Variants in CEP170 observed in about 807,000 individuals in gnomAD.
CEP170 encodes centrosomal protein of 170 kDa.
Under a neutral mutation model 151.9 loss-of-function variants are expected in CEP170, and 21 were observed. The ratio of observed to expected loss-of-function variants is 0.14; its 90% confidence interval spans 0.10 to 0.20. The LOEUF (loss-of-function observed/expected upper bound fraction) is 0.20. Among genes scored for constraint, CEP170 ranks in the 10% least tolerant of loss-of-function variants. The pLI is 1.00. For synonymous variants in CEP170, 356 were observed against 648.8 expected (o/e 0.55, Z 6.86); for missense variants, 964 against 1,892.9 (o/e 0.51, Z 9.11).
chr1:243,137,502 C>A (rs576186056), intron 16 of CEP170, among the ~76,000 whole-genome samples: 2 of 152,132 alleles, frequency 1.3e-5, no homozygotes, highest in Non-Finnish European at 2.9e-5. Flanking sequence ...TGAGGCCGGG[C>A]GCAGTGGCTC....
At chr1:243,223,832 G>T (rs1033620144) in intron 2 of CEP170, among the ~76,000 whole-genome samples, 1 of 152,014 alleles carries the variant, frequency 6.6e-6, no homozygotes, top group Non-Finnish European at 1.5e-5. Flanking sequence ...TCCCATTTGT[G>T]TAACTATTTT....
At chr1:243,164,005 T>A (rs2058262232) in intron 13 of CEP170, among the ~76,000 whole-genome samples, 2 of 152,172 alleles carry the variant, frequency 1.3e-5, no homozygotes, top group African/African-American at 4.8e-5. Context: ...ACTGGAAAAT[T>A]AAAACTCCTA....
intron 1 of CEP170, among the ~76,000 whole-genome samples, chr1:243,243,335 G>A (rs2065042561): frequency 6.6e-6 from 1 of 152,130 alleles, no homozygotes; most frequent in African/African-American, 2.4e-5. Flanking sequence ...AGGGTAGGGG[G>A]ACAGTGGAAG....
intron 15 of CEP170, 142 bp from the exon 16 acceptor site, chr1:243,140,249 A>C (rs1261216072): frequency 8.1e-7 from 1 of 1,234,916 alleles, no homozygotes; most frequent in Non-Finnish European, 1.1e-6. Flanking sequence ...TAAACCAATT[A>C]CTCTTTCTTT....
intron 18 of CEP170, chr1:243,128,681 C>T (rs2148154500): frequency 6.2e-6 from 1 of 161,950 alleles, no homozygotes; most frequent in Non-Finnish European, 1.3e-5. Context: ...ATTCTCTTGC[C>T]TCAGCCCCCA....
At chr1:243,246,122 AT>A (rs2065367256) in intron 1 of CEP170, among the ~76,000 whole-genome samples, 1 of 151,902 alleles carries the variant, frequency 6.6e-6, no homozygotes, top group South Asian at 2.1e-4. Flanking sequence ...AGAATTCTGC[AT>A]TTGTATCTGC....
At chr1:243,150,525 A>C (rs1312008894) in intron 14 of CEP170, among the ~76,000 whole-genome samples, 1 of 152,238 alleles carries the variant, frequency 6.6e-6, no homozygotes, top group Non-Finnish European at 1.5e-5. Flanking sequence ...TAGGAGGACA[A>C]AAAATTTTTT....
At chr1:243,145,157 T>C (rs1227009480) in intron 14 of CEP170, among the ~76,000 whole-genome samples, 1 of 152,224 alleles carries the variant, frequency 6.6e-6, no homozygotes, top group East Asian at 1.9e-4. Context: ...TATACCCAAT[T>C]AAACACACAA....
chr1:243,145,989 T>C (rs1489188739), intron 14 of CEP170, among the ~76,000 whole-genome samples: 1 of 151,738 alleles, frequency 6.6e-6, no homozygotes, highest in Non-Finnish European at 1.5e-5. Flanking sequence ...GGATATCAAA[T>C]GAAAGGTACT....
rs1366142382 is a variant in CEP170, at chr1:243,126,098, T to C, written c.*351A>G. Reference sequence around the variant, plus strand: ...CACAGGAGACTTAGGGGTTCAGAAATGTTGGCTATTTAGTTTGCTTGTAGG... The same window carrying C: ...CACAGGAGACTTAGGGGTTCAGAAACGTTGGCTATTTAGTTTGCTTGTAGG... On this transcript the variant is annotated 3_prime_UTR_variant, in exon 20 of 20. Coordinates refer to ENST00000366542, the MANE Select transcript of CEP170 (RefSeq NM_014812.3). 1 of 462,434 alleles carries C rather than the reference T, an allele frequency of 2.2e-6. No individual in the cohort carries two copies. Among genetic ancestry groups the C allele is most frequent in the Non-Finnish European group, 4.3e-6 (1 of 231,062 alleles). 28.6% of individuals were successfully genotyped at this position (462,434 alleles called of 1,614,324 possible).
intron 1 of CEP170, chr1:243,254,481 C>T (rs1558175021): frequency 6.6e-6 from 1 of 152,188 alleles, no homozygotes; most frequent in Non-Finnish European, 1.5e-5. Context: ...ACCGCGTCTT[C>T]CACGCCCTCC....
At chr1:243,192,745 G>C (rs2060389176) in intron 7 of CEP170, among the ~76,000 whole-genome samples, 1 of 152,206 alleles carries the variant, frequency 6.6e-6, no homozygotes, top group African/African-American at 2.4e-5. Context: ...TTGGTTTCTT[G>C]ACAGCAGTCT....
intron 1 of CEP170, among the ~76,000 whole-genome samples, chr1:243,243,648 C>T (rs1004862855): frequency 6.6e-6 from 1 of 151,916 alleles, no homozygotes; most frequent in African/African-American, 2.4e-5. Context: ...CTCAGCCTCC[C>T]GAGTAGCTGG....
At chr1:243,155,620 AT>A (rs2057476118) in intron 14 of CEP170, among the ~76,000 whole-genome samples, 1 of 152,094 alleles carries the variant, frequency 6.6e-6, no homozygotes, top group Admixed American at 6.5e-5. Flanking sequence ...TAAGTTATTA[AT>A]TTCCATAAGT....
rs114417093 is a variant in CEP170, at chr1:243,172,858, A to C, written c.1567-12T>G. The C allele has an allele frequency of 1.4e-3, 2,136 of 1,528,474 alleles. 29 individuals carry two copies. The African/African-American group carries it at 0.024, about 17-fold the overall frequency. The allele number at this position is 1,528,474 out of a possible 1,614,324, so 94.7% of individuals were successfully genotyped here. A position where few individuals can be genotyped will look rare whatever the true frequency, so the allele number is the denominator to read the frequency against. On this transcript the variant is annotated splice_polypyrimidine_tract_variant and intron_variant, in intron 10 of 19. Coordinates refer to ENST00000366542, the MANE Select transcript of CEP170 (RefSeq NM_014812.3). ...TCTACTCCAAACACCTAGAGGGAAA[A>C]ATTATTTTATAAATGAAAACGAAAA... is the stretch of plus-strand genomic sequence containing the variant.
intron 1 of CEP170, among the ~76,000 whole-genome samples, chr1:243,236,221 C>T (rs1171097000): frequency 1.3e-5 from 2 of 152,168 alleles, no homozygotes; most frequent in African/African-American, 4.8e-5. Flanking sequence ...TAAACAGGAA[C>T]CACCTAGATT....
At position 243,165,515 on chromosome 1, in the gene CEP170, A is replaced by C. The variant is rs760090801; in HGVS notation, c.2445T>G (p.Ile815Met). Residue 815 changes from isoleucine (I) to methionine (M), a missense_variant, in exon 13 of 20, where the codon ATT (isoleucine) becomes ATG (methionine). By Grantham distance (10) the Ile-to-Met change is conservative (BLOSUM62 1). Coordinates refer to ENST00000366542, the MANE Select transcript of CEP170 (RefSeq NM_014812.3). ...SESKRRKAEE[I>M]LKSQTPKGGD... ...CTCCCTTTGGAGTCTGACTTTTCAGAATTTCCTCAGCTTTTCTTCTCTTGC... is the reference window on the plus strand; with the variant it reads ...CTCCCTTTGGAGTCTGACTTTTCAGCATTTCCTCAGCTTTTCTTCTCTTGC... 6.2e-7 allele frequency: 1 copy of C among 1,608,906 alleles called. No homozygotes were observed. Among genetic ancestry groups the C allele is most frequent in the Non-Finnish European group, 8.5e-7 (1 of 1,177,500 alleles).
chr1:243,143,220 G>A (rs994751185), intron 14 of CEP170, among the ~76,000 whole-genome samples: 1 of 151,960 alleles, frequency 6.6e-6, no homozygotes, highest in Non-Finnish European at 1.5e-5. Context: ...GCACTCTTTC[G>A]TAGAGCACTT....
rs1034933875 is a variant in CEP170, at chr1:243,220,785, C to A, written c.195+939G>T. ...TAAAAGAAATAATTCAATACTTCAG[C>A]ACTCTTTTTAGTTTGTAGCTACTTA... On this transcript the variant is annotated intron_variant, in intron 3 of 19. Coordinates refer to ENST00000366542, the MANE Select transcript of CEP170 (RefSeq NM_014812.3). Among the ~76,000 whole-genome samples the A allele has an allele frequency of 3.2e-4, 49 of 152,168 alleles. 1 individual carries two copies. The highest frequency in any genetic ancestry group is 2.8e-3 in the Admixed American group (42 of 15,268).
Sources: allele counts gnomAD v4.1 joint callset (sites outside exome capture counted in the v4.1 genomes callset), GRCh38; gene constraint gnomAD v4.1.1; transcripts MANE v1.5; gene names NCBI Gene and HGNC (gene_info 2026-07-23, HGNC 2026-07-21).